Variants in PKIG observed in about 807,000 individuals in gnomAD.
The protein encoded by PKIG is cAMP-dependent protein kinase inhibitor gamma.
In PKIG, 1 loss-of-function variant was observed where a neutral mutation model predicts 6.8. That is an observed-to-expected ratio of 0.15 (90% CI 0.05 to 0.69). The LOEUF (loss-of-function observed/expected upper bound fraction) is 0.69. PKIG is among the 30% of genes least tolerant of loss of function. The pLI is 0.82. For synonymous variants in PKIG, 39 were observed against 43.0 expected, an observed-to-expected ratio of 0.91 and a Z score of 0.36; for missense variants, 77 against 104.0, an observed-to-expected ratio of 0.74 and a Z score of 1.13.
At position 44,542,109 on chromosome 20, in the gene PKIG, C is replaced by G. The variant is rs917210342; in HGVS notation, c.-241+10131C>G. 2.6e-5 allele frequency among the ~76,000 whole-genome samples: 4 copies of G among 152,224 alleles called. No homozygotes were observed. The East Asian group carries it at 5.8e-4, about 22-fold the overall frequency. ...ATAACTTACGGAGCTTTCCTGTGGC[C>G]TCAGGGTCATTGTTCTCTGTTAGCC... is the stretch of plus-strand genomic sequence containing the variant. On this transcript the variant is annotated intron_variant, in intron 1 of 4. Coordinates refer to the PKIG transcript ENST00000372887.
chr20:44,565,505 G>A (rs929520375), intron 1 of PKIG, among the ~76,000 whole-genome samples: 4 of 152,144 alleles, frequency 2.6e-5, no homozygotes, highest in African/African-American at 9.7e-5. Context: ...CCACTAAGGG[G>A]GACTCTTCTA....
chr20:44,591,527 C>A (rs2065033445), intron 2 of PKIG, among the ~76,000 whole-genome samples: 1 of 146,614 alleles, frequency 6.8e-6, no homozygotes, highest in Non-Finnish European at 1.5e-5. Context: ...CTCCTCCTTC[C>A]CTTGGAACTT....
At chr20:44,566,424 A>G (rs1334750759) in intron 1 of PKIG, among the ~76,000 whole-genome samples, 1 of 152,232 alleles carries the variant, frequency 6.6e-6, no homozygotes, top group Non-Finnish European at 1.5e-5. Context: ...GTTTCTTTCA[A>G]ACTTTTTGAC....
chr20:44,596,429 G>T (rs546822579), intron 2 of PKIG, among the ~76,000 whole-genome samples: 2 of 152,206 alleles, frequency 1.3e-5, no homozygotes, highest in Non-Finnish European at 2.9e-5. Flanking sequence ...GACTGGAGGT[G>T]TGGGGGGAGG....
At chr20:44,611,052 CTTT>C (rs537375490) in intron 2 of PKIG, among the ~76,000 whole-genome samples, 2 of 132,856 alleles carry the variant, frequency 1.5e-5, no homozygotes, top group Admixed American at 7.6e-5. Flanking sequence ...TATAGAATGC[CTTT>C]TTTTTTTTTT....
intron 1 of PKIG, among the ~76,000 whole-genome samples, chr20:44,565,104 C>T: frequency 6.6e-6 from 1 of 152,200 alleles, no homozygotes; most frequent in East Asian, 1.9e-4. Flanking sequence ...TTTAAAGCAT[C>T]ACTTAAAAAT....
At chr20:44,542,460 G>T in intron 1 of PKIG, among the ~76,000 whole-genome samples, 1 of 152,020 alleles carries the variant, frequency 6.6e-6, no homozygotes, top group South Asian at 2.1e-4. Context: ...TTCAGTGTCA[G>T]TTAAGCATAA....
intron 2 of PKIG, among the ~76,000 whole-genome samples, chr20:44,601,125 T>G: frequency 6.6e-6 from 1 of 151,730 alleles, no homozygotes; most frequent in Admixed American, 6.6e-5. Flanking sequence ...CGGGAAGAAA[T>G]GAGTTGGAAG....
rs896371342 is a variant in PKIG, at chr20:44,618,531, C to G, written c.*167C>G. 1.7e-6 allele frequency: 1 copy of G among 587,424 alleles called. No homozygotes were observed. The highest frequency in any genetic ancestry group is 2.9e-5 in the Admixed American group (1 of 34,704). The allele number at this position is 587,424 out of a possible 1,614,324, so 36.4% of individuals were successfully genotyped here. On this transcript the variant is annotated 3_prime_UTR_variant, in exon 4 of 4. Transcript: ENST00000372886. The stretch of plus-strand genomic sequence containing the variant: ...CTCTGTGGCCTCCACTCCGGGAAAG[C>G]CCTCTGCCCACACCCACAGGCTTCA...
chr20:44,554,389 T>A lies in PKIG; in HGVS notation c.-241+22411T>A, dbSNP rs530947961. ...GAGCCACTGTGCAAGGCCTAAAAAA[T>A]TTTTTAATCCAGATAAATTTAACAT... On this transcript the variant is annotated intron_variant, in intron 1 of 4. Transcript: ENST00000372887. Among the ~76,000 whole-genome samples, 332 of 152,298 alleles carry A rather than the reference T, an allele frequency of 2.2e-3. 1 individual carries two copies. Among genetic ancestry groups the A allele is most frequent in the African/African-American group, 7.5e-3 (313 of 41,552 alleles).
chr20:44,593,887 A>G (rs758515071), intron 2 of PKIG, among the ~76,000 whole-genome samples: 2 of 152,208 alleles, frequency 1.3e-5, no homozygotes, highest in Non-Finnish European at 2.9e-5. Flanking sequence ...AAAAAAATTT[A>G]AAGAATCTGC....
intron 1 of PKIG, among the ~76,000 whole-genome samples, chr20:44,548,899 CACACAT>C (rs879431390): frequency 0.038 from 3,517 of 91,754 alleles, 70 homozygotes; most frequent in African/African-American, 0.085. Context: ...CACACACACA[CACACAT>C]ATATCTGTCT....
chr20:44,575,054 A>G, intron 1 of PKIG, among the ~76,000 whole-genome samples: 1 of 151,324 alleles, frequency 6.6e-6, no homozygotes, highest in Non-Finnish European at 1.5e-5. Flanking sequence ...TTGACTCATC[A>G]GTTTTTTGTT....
chr20:44,576,102 CGTG>C (rs1012891347), intron 1 of PKIG, among the ~76,000 whole-genome samples: 3 of 151,236 alleles, frequency 2.0e-5, no homozygotes, highest in Non-Finnish European at 2.9e-5. Flanking sequence ...GTTCAGAAGA[CGTG>C]GTGCTTTTTA....
chr20:44,547,119 T>G (rs2064622394), intron 1 of PKIG, among the ~76,000 whole-genome samples: 1 of 152,252 alleles, frequency 6.6e-6, no homozygotes, highest in African/African-American at 2.4e-5. Context: ...TTTATGTTCA[T>G]GGAATGAGAG....
At position 44,592,017 on chromosome 20, in the gene PKIG, A is replaced by T. The variant is rs79289635; in HGVS notation, c.-24+2151A>T. Among the ~76,000 whole-genome samples, 59 of 152,334 alleles carry T rather than the reference A, an allele frequency of 3.9e-4. 1 individual carries two copies. In the East Asian group the frequency reaches 0.011, roughly 29 times the overall value. ...AGGGAGCAAACACTGACCGAAGGCCAGGTGTGTGCTTGGCACCACCCACAG... is the reference window on the plus strand; with the variant it reads ...AGGGAGCAAACACTGACCGAAGGCCTGGTGTGTGCTTGGCACCACCCACAG... On this transcript the variant is annotated intron_variant, in intron 2 of 3. Transcript: ENST00000372886.
intron 1 of PKIG, among the ~76,000 whole-genome samples, chr20:44,560,272 A>AATAC (rs1001140564): frequency 6.6e-6 from 1 of 151,892 alleles, no homozygotes; most frequent in Non-Finnish European, 1.5e-5. Context: ...TAAATAAATA[A>AATAC]ATAAATAAAT....
intron 1 of PKIG, among the ~76,000 whole-genome samples, chr20:44,534,711 C>T (rs1039982317): frequency 6.6e-6 from 1 of 152,110 alleles, no homozygotes. Flanking sequence ...TCAAGTGATC[C>T]ACCCGCATCG....
chr20:44,536,976 C>T (rs189180491), intron 1 of PKIG, among the ~76,000 whole-genome samples: 137 of 152,314 alleles, frequency 9.0e-4, no homozygotes, highest in African/African-American at 3.2e-3. Flanking sequence ...GTTGTGCAGG[C>T]TGGAGTGCAA....
Sources: gnomAD v4.1 joint callset for allele counts (sites outside exome capture counted in the v4.1 genomes callset) on GRCh38, gnomAD v4.1.1 for gene constraint, MANE v1.5 for transcripts, NCBI Gene and HGNC (gene_info 2026-07-23, HGNC 2026-07-21) for gene names.